Variants in CIBAR2 observed in about 807,000 individuals in gnomAD.
CIBAR2 encodes the protein CBY1-interacting BAR domain-containing protein 2.
CIBAR2 carries 38 observed loss-of-function variants against 36.2 expected under a neutral mutation model. That is an observed-to-expected ratio of 1.05 (90% CI 0.81 to 1.38). The LOEUF (loss-of-function observed/expected upper bound fraction) is 1.38, where lower values mean the gene tolerates loss of function less well. Ranked by LOEUF, CIBAR2 falls within the 40% of genes most tolerant of loss-of-function variation. The pLI is 0.00. For missense variants in CIBAR2, 481 were observed against 383.4 expected (o/e 1.25, Z -2.13); for synonymous variants, 182 against 149.5 (o/e 1.22, Z -1.58).
chr16:85,102,859 G>C (rs1317178899), intron 6 of CIBAR2, among the ~76,000 whole-genome samples: 1 of 150,964 alleles, frequency 6.6e-6, no homozygotes, highest in Non-Finnish European at 1.5e-5. Context: ...GTCTGAGCTT[G>C]CTTTTCCCCT....
At chr16:85,108,131 C>G (rs771127629) in intron 2 of CIBAR2, 32 bp from the exon 3 acceptor site, 7 of 1,581,948 alleles carry the variant, frequency 4.4e-6, no homozygotes, top group Non-Finnish European at 5.2e-6. Flanking sequence ...GGGATCTGAG[C>G]GCAGGGTGCT....
At position 85,110,315 on chromosome 16, in the gene CIBAR2, A is replaced by C; in HGVS notation, c.166T>G (p.Phe56Val). 6.2e-7 allele frequency: 1 copy of C among 1,612,468 alleles called. No individual in the cohort carries two copies. Among genetic ancestry groups the C allele is most frequent in the Non-Finnish European group, 8.5e-7 (1 of 1,179,146 alleles). ...AGCTCGGGGTTCTCGGAGTTGGCAAAGTCGATGAGCTGCTTGACCAGCTGG... is the reference window on the plus strand; with the variant it reads ...AGCTCGGGGTTCTCGGAGTTGGCAACGTCGATGAGCTGCTTGACCAGCTGG... ...ADQLVKQLIDFANSENPELRA... is the reference protein window; with the variant it reads ...ADQLVKQLIDVANSENPELRA... Residue 56 changes from phenylalanine (F) to valine (V), a missense_variant, in exon 2 of 9, where the codon TTT (phenylalanine) becomes GTT (valine). Phe to Val is a conservative substitution (Grantham distance 50). Coordinates refer to ENST00000539556, the MANE Select transcript of CIBAR2 (RefSeq NM_198491.3).
Position 85,103,693 on chromosome 16 carries a change from C to T in CIBAR2, c.538-1366G>A, listed in dbSNP as rs548259521. On this transcript the variant is annotated intron_variant, in intron 6 of 8. Coordinates refer to ENST00000539556, the MANE Select transcript of CIBAR2 (RefSeq NM_198491.3). ...GAGCACTAATCACTGACGCTTCATTCCCTTGTGCATTCATTCATGCAGGCG... is the reference window on the plus strand; with the variant it reads ...GAGCACTAATCACTGACGCTTCATTTCCTTGTGCATTCATTCATGCAGGCG... Among the ~76,000 whole-genome samples, 16 of 152,338 alleles carry T rather than the reference C, an allele frequency of 1.1e-4. No homozygotes were observed. The South Asian group carries it at 3.3e-3, about 32-fold the overall frequency.
intron 1 of CIBAR2, among the ~76,000 whole-genome samples, chr16:85,111,681 A>G (rs540221246): frequency 6.6e-6 from 1 of 152,318 alleles, no homozygotes; most frequent in African/African-American, 2.4e-5. Flanking sequence ...CCCCGTCTCT[A>G]CTAAAATACA....
intron 2 of CIBAR2, among the ~76,000 whole-genome samples, chr16:85,109,573 G>T (rs2074024310): frequency 6.6e-6 from 1 of 152,216 alleles, no homozygotes. Context: ...TCCCAGGCTA[G>T]AGTGCAGAGG....
At chr16:85,099,579 C>T (rs1410139736) in intron 8 of CIBAR2, among the ~76,000 whole-genome samples, 2 of 151,742 alleles carry the variant, frequency 1.3e-5, no homozygotes, top group African/African-American at 4.8e-5. Context: ...ACGGCAGGGA[C>T]CGTGTGGCCT....
At chr16:85,103,625 G>A (rs183048279) in intron 6 of CIBAR2, among the ~76,000 whole-genome samples, 4 of 152,342 alleles carry the variant, frequency 2.6e-5, no homozygotes, top group East Asian at 1.9e-4. Context: ...GCTGAATAAC[G>A]TCTGCCGACT....
At chr16:85,109,683 G>C (rs1047147009) in intron 2 of CIBAR2, among the ~76,000 whole-genome samples, 2 of 152,094 alleles carry the variant, frequency 1.3e-5, no homozygotes, top group Non-Finnish European at 2.9e-5. Context: ...ATTTATTTTA[G>C]AGATGGAGTC....
chr16:85,099,468 C>T, intron 8 of CIBAR2, 122 bp from the exon 9 acceptor site: 2 of 661,652 alleles, frequency 3.0e-6, no homozygotes, highest in South Asian at 1.7e-5. Context: ...CCCGCGGGCC[C>T]ACGGGCTGGG....
rs970532273 is a variant in CIBAR2, at chr16:85,108,062, T to C, written c.293A>G (p.Lys98Arg). 1 of 1,613,016 alleles carries C rather than the reference T, an allele frequency of 6.2e-7. No homozygotes were observed. Among genetic ancestry groups the C allele is most frequent in the Admixed American group, 1.7e-5 (1 of 59,938 alleles). ...CTGCTTGATCTGTGCCCCGTAGAGC[T>C]TCAGGGGGTTGACCACCTTGGTCTC... The part of the protein sequence containing the change: ...RLETKVVNPL[K>R]LYGAQIKQTR... The change falls in exon 3 of 9, where the codon AAG becomes AGG. Residue 98 changes from lysine (K) to arginine (R), a missense_variant. By Grantham distance (26) the Lys-to-Arg change is conservative (BLOSUM62 2). Transcript: ENST00000539556.
At chr16:85,104,932 G>A (rs1311177008) in intron 6 of CIBAR2, among the ~76,000 whole-genome samples, 13 of 152,182 alleles carry the variant, frequency 8.5e-5, no homozygotes, top group Non-Finnish European at 1.6e-4. Context: ...CCCACACCCA[G>A]CTGCTGGGCC....
chr16:85,108,152 A>G, intron 2 of CIBAR2, 53 bp from the exon 3 acceptor site: 1 of 1,528,158 alleles, frequency 6.5e-7, no homozygotes, highest in Non-Finnish European at 8.8e-7. Context: ...GCCTGCCTCC[A>G]GCCTGGGCAT....
chr16:85,112,217 AC>A (rs1345172574), intron 1 of CIBAR2, 115 bp downstream of exon 1: 2 of 790,986 alleles, frequency 2.5e-6, no homozygotes, highest in African/African-American at 1.7e-5. Flanking sequence ...AGCTCCCCTC[AC>A]CCCCAACCCC....
rs1351541493 is a variant in CIBAR2 at position 85,098,518 on chromosome 16, T to G, written c.*667A>C. ...CTGAGGGCACACAGCAGAGCCCACC[T>G]GAGGATCCAAGGCCAGCTAAGTTCT... On this transcript the variant is annotated 3_prime_UTR_variant, in exon 9 of 9. Transcript: ENST00000539556. 1 of 986,098 alleles carries G rather than the reference T, an allele frequency of 1.0e-6. No homozygotes were observed. The highest frequency in any genetic ancestry group is 1.1e-4 in the East Asian group (1 of 8,834). The allele number at this position is 986,098 out of a possible 1,614,324, so 61.1% of individuals were successfully genotyped here. A position where few individuals can be genotyped will look rare whatever the true frequency, so the allele number is the denominator to read the frequency against.
intron 7 of CIBAR2, 36 bp from the exon 8 acceptor site, chr16:85,100,276 G>A (rs546892318): frequency 3.5e-6 from 5 of 1,433,462 alleles, no homozygotes; most frequent in Non-Finnish European, 4.8e-6. Context: ...GGGATCCGAT[G>A]GGAAAACACA....
At position 85,100,122 on chromosome 16, in the gene CIBAR2, C is replaced by T; in HGVS notation, c.753+17G>A. 2.5e-6 allele frequency: 4 copies of T among 1,598,658 alleles called. No individual in the cohort carries two copies. Among genetic ancestry groups the T allele is most frequent in the Non-Finnish European group, 3.4e-6 (4 of 1,170,116 alleles). On this transcript the variant is annotated intron_variant, in intron 8 of 8. Coordinates refer to ENST00000539556, the MANE Select transcript of CIBAR2 (RefSeq NM_198491.3). ...ACGACATTTTAGGTGTAACCCCTCA[C>T]CCACCCACACGCTCACCTGGCTGGC...
chr16:85,108,278 C>A (rs564695444), intron 2 of CIBAR2, among the ~76,000 whole-genome samples, 179 bp from the exon 3 acceptor site: 23 of 152,284 alleles, frequency 1.5e-4, no homozygotes, highest in Non-Finnish European at 3.2e-4. Context: ...GGTTCAGGGC[C>A]CGGCTCTGCC....
rs752205369 is a variant in CIBAR2, at chr16:85,099,304, C to T, written c.796G>A (p.Glu266Lys). 3.7e-6 allele frequency: 6 copies of T among 1,612,262 alleles called. No individual in the cohort carries two copies. The African/African-American group carries it at 5.3e-5, about 14-fold the overall frequency. The change falls in exon 9 of 9, where the codon GAA becomes AAA. Residue 266 changes from glutamate to lysine, a missense_variant. By Grantham distance (56) the Glu-to-Lys change is moderately conservative. Transcript: ENST00000539556. ...CTGCCATGATTGGCATGAGGATGTT[C>T]AGGGTCTTCATTTGCCCTACTCAGC... ...VQLSRANEDP[E>K]HPHANHGRFS...
intron 7 of CIBAR2, 79 bp downstream of exon 7, chr16:85,102,135 A>C (rs1597665238): frequency 1.3e-6 from 1 of 789,792 alleles, no homozygotes; most frequent in East Asian, 2.5e-5. Context: ...TACCAACAAA[A>C]ACGACTTCTA....
Sources: gnomAD v4.1 joint callset for allele counts (sites outside exome capture counted in the v4.1 genomes callset) on GRCh38, gnomAD v4.1.1 for gene constraint, MANE v1.5 for transcripts, NCBI Gene and HGNC (gene_info 2026-07-23, HGNC 2026-07-21) for gene names.